The following ATG10 variants were observed in gnomAD, a reference collection of about 807,000 sequenced individuals.
ATG10 encodes the protein autophagy related 10, also known as ubiquitin-like-conjugating enzyme ATG10.
In ATG10, 30 loss-of-function variants were observed where a neutral mutation model predicts 32.1. The observed-to-expected ratio is 0.94, with a 90% CI of 0.70 to 1.27. ATG10 has a LOEUF of 1.27. Ranked by LOEUF, ATG10 falls within the 50% of genes most tolerant of loss-of-function variation. ATG10 has a pLI of 0.00. For synonymous variants in ATG10, 87 were observed against 91.5 expected (o/e 0.95, Z 0.28); for missense variants, 233 against 262.3 (o/e 0.89, Z 0.77).
intron 2 of ATG10, among the ~76,000 whole-genome samples, chr5:82,049,657 A>T (rs951619095): frequency 6.6e-6 from 1 of 152,352 alleles, no homozygotes; most frequent in Middle Eastern, 3.4e-3. Context: ...ACATCAAAAA[A>T]TGTTTACTTG....
intron 2 of ATG10, among the ~76,000 whole-genome samples, chr5:82,043,180 A>G (rs2170514): frequency 0.51 from 77,449 of 152,090 alleles, 20,383 homozygotes; most frequent in African/African-American, 0.61. Flanking sequence ...TGCCTTCTGC[A>G]CACCTGCAGG....
chr5:82,154,449 A>C (rs1767732943), intron 3 of ATG10, among the ~76,000 whole-genome samples: 1 of 152,226 alleles, frequency 6.6e-6, no homozygotes, highest in Non-Finnish European at 1.5e-5. Flanking sequence ...CATTTTATAC[A>C]TTATCTCATT....
chr5:82,092,600 T>C (rs775300121), intron 3 of ATG10, among the ~76,000 whole-genome samples: 2 of 152,176 alleles, frequency 1.3e-5, no homozygotes, highest in Non-Finnish European at 2.9e-5. Context: ...CTCCCTGCAG[T>C]GTCTTACCAT....
chr5:81,977,870 G>A lies in ATG10; in HGVS notation c.-13+5564G>A, dbSNP rs551943779. ...AATGAAAAACTTGTGGAAATAGAAGGCACATTAGTCTCATCTCTGAACAAA... is the reference window on the plus strand; with the variant it reads ...AATGAAAAACTTGTGGAAATAGAAGACACATTAGTCTCATCTCTGAACAAA... On this transcript the variant is annotated intron_variant, in intron 1 of 7. Coordinates refer to ENST00000282185, the MANE Select transcript of ATG10 (RefSeq NM_031482.5). Among the ~76,000 whole-genome samples, 11 of 152,270 alleles carry A rather than the reference G, an allele frequency of 7.2e-5. No individual in the cohort carries two copies. The East Asian group carries it at 1.2e-3, about 16-fold the overall frequency.
intron 3 of ATG10, among the ~76,000 whole-genome samples, chr5:82,105,079 C>T (rs1470759335): frequency 2.6e-5 from 4 of 152,014 alleles, no homozygotes; most frequent in East Asian, 1.9e-4. Flanking sequence ...GTCAACAAAG[C>T]GGGAGCCTGG....
At chr5:82,025,897 AT>A (rs1213808335) in intron 2 of ATG10, among the ~76,000 whole-genome samples, 6 of 152,156 alleles carry the variant, frequency 3.9e-5, no homozygotes, top group Admixed American at 1.3e-4. Flanking sequence ...CAGTAATTTT[AT>A]TTTTTAAGAT....
At chr5:82,108,308 T>A (rs1765502040) in intron 3 of ATG10, among the ~76,000 whole-genome samples, 1 of 151,904 alleles carries the variant, frequency 6.6e-6, no homozygotes, top group South Asian at 2.1e-4. Flanking sequence ...TCATTTGTAT[T>A]TGCGAGTATA....
At chr5:82,094,037 A>G (rs1398933857) in intron 3 of ATG10, among the ~76,000 whole-genome samples, 1 of 152,046 alleles carries the variant, frequency 6.6e-6, no homozygotes, top group Non-Finnish European at 1.5e-5. Context: ...ACATGAGCCG[A>G]TCTGTACTTA....
intron 3 of ATG10, among the ~76,000 whole-genome samples, chr5:82,076,418 TAAAGA>T (rs1159599449): frequency 2.2e-4 from 33 of 152,218 alleles, no homozygotes; most frequent in Admixed American, 2.0e-3. Flanking sequence ...GACATATACT[TAAAGA>T]GAAGACTAGA....
At chr5:81,975,156 A>C (rs1760832992) in intron 1 of ATG10, among the ~76,000 whole-genome samples, 2 of 152,208 alleles carry the variant, frequency 1.3e-5, no homozygotes, top group South Asian at 2.1e-4. Flanking sequence ...AGTTCTTAAT[A>C]CATAGTAATA....
At chr5:82,100,000 GTT>G (rs869311526) in intron 3 of ATG10, among the ~76,000 whole-genome samples, 55 of 58,946 alleles carry the variant, frequency 9.3e-4, no homozygotes, top group African/African-American at 3.3e-3. Context: ...CTTTTTCTGT[GTT>G]TTTTTTTTTT....
At chr5:82,088,493 A>T (rs1764764538) in intron 3 of ATG10, among the ~76,000 whole-genome samples, 1 of 152,188 alleles carries the variant, frequency 6.6e-6, no homozygotes, top group Non-Finnish European at 1.5e-5. Context: ...GGGAAGAAAG[A>T]AGTGATGAGG....
intron 1 of ATG10, among the ~76,000 whole-genome samples, chr5:81,983,388 C>T (rs1232365540): frequency 6.2e-5 from 9 of 145,180 alleles, no homozygotes; most frequent in Non-Finnish European, 1.4e-4. Flanking sequence ...ACCTCCCGGA[C>T]GGGGTGGCTG....
chr5:82,049,102 T>C (rs1204120560), intron 2 of ATG10, among the ~76,000 whole-genome samples: 1 of 151,656 alleles, frequency 6.6e-6, no homozygotes, highest in Non-Finnish European at 1.5e-5. Context: ...TGCACACGTA[T>C]GTTTCTTGCG....
intron 5 of ATG10, among the ~76,000 whole-genome samples, chr5:82,195,210 T>C (rs1744807083): frequency 6.6e-6 from 1 of 152,178 alleles, no homozygotes; most frequent in African/African-American, 2.4e-5. Context: ...GTTCCCTATG[T>C]TACTTGAAAA....
intron 2 of ATG10, among the ~76,000 whole-genome samples, chr5:82,002,239 A>G (rs1761871389): frequency 2.0e-5 from 3 of 152,266 alleles, no homozygotes; most frequent in Admixed American, 1.3e-4. Flanking sequence ...GCAATTTTCC[A>G]AAGAACTCAA....
intron 5 of ATG10, among the ~76,000 whole-genome samples, chr5:82,180,996 T>C (rs2149927898): frequency 6.6e-6 from 1 of 152,276 alleles, no homozygotes; most frequent in East Asian, 1.9e-4. Flanking sequence ...AATCTGTATA[T>C]AGATTATTTT....
At chr5:82,247,052 C>T (rs1747065339) in intron 5 of ATG10, among the ~76,000 whole-genome samples, 1 of 152,056 alleles carries the variant, frequency 6.6e-6, no homozygotes, top group Non-Finnish European at 1.5e-5. Context: ...AAAGGACTCT[C>T]TTGCTGTTTT....
chr5:82,253,838 C>T (rs1747360013), intron 7 of ATG10, among the ~76,000 whole-genome samples: 1 of 152,184 alleles, frequency 6.6e-6, no homozygotes, highest in South Asian at 2.1e-4. Context: ...ACAGTTTCAT[C>T]CTGAAACCAT....
Sources: gnomAD v4.1 joint callset for allele counts (sites outside exome capture counted in the v4.1 genomes callset) on GRCh38, gnomAD v4.1.1 for gene constraint, MANE v1.5 for transcripts, NCBI Gene and HGNC (gene_info 2026-07-23, HGNC 2026-07-21) for gene names.